Variants in NUP98 observed in about 807,000 individuals in gnomAD.
NUP98 encodes nucleoporin 98 and 96 precursor.
NUP98 carries 26 observed loss-of-function variants against 191.9 expected under a neutral mutation model. The observed-to-expected ratio is 0.14, with a 90% CI of 0.10 to 0.19. NUP98 has a LOEUF of 0.19. Ranked by LOEUF, NUP98 falls within the 10% of genes least tolerant of loss-of-function variation. The pLI is 1.00. For synonymous variants in NUP98, 808 were observed against 778.4 expected (o/e 1.04, Z -0.63); for missense variants, 1,941 against 2,178.8 (o/e 0.89, Z 2.17).
chr11:3,678,972 G>C (rs1303462640), intron 31 of NUP98, among the ~76,000 whole-genome samples: 2 of 151,792 alleles, frequency 1.3e-5, no homozygotes, highest in African/African-American at 4.8e-5. Context: ...AAATACAAAA[G>C]TTAGCTGCGT....
At chr11:3,764,791 G>A (rs2081283958) in intron 8 of NUP98, among the ~76,000 whole-genome samples, 1 of 152,206 alleles carries the variant, frequency 6.6e-6, no homozygotes, top group Non-Finnish European at 1.5e-5. Flanking sequence ...TGTTGTCCAG[G>A]CTAATCTCGA....
intron 17 of NUP98, among the ~76,000 whole-genome samples, chr11:3,720,483 T>C (rs1009147141): frequency 6.6e-6 from 1 of 151,974 alleles, no homozygotes; most frequent in Non-Finnish European, 1.5e-5. Context: ...TGCCAGGCAA[T>C]GTAGCAAGAC....
chr11:3,735,852 T>C (rs936019333), intron 12 of NUP98, among the ~76,000 whole-genome samples: 1 of 149,636 alleles, frequency 6.7e-6, no homozygotes, highest in Non-Finnish European at 1.5e-5. Flanking sequence ...TGTGTGTGCG[T>C]GCGTGTATGT....
chr11:3,759,113 T>C (rs546512949), intron 10 of NUP98, among the ~76,000 whole-genome samples: 2 of 152,298 alleles, frequency 1.3e-5, no homozygotes, highest in South Asian at 4.1e-4. Context: ...ACTGCTGACC[T>C]ACACCAAATA....
intron 11 of NUP98, among the ~76,000 whole-genome samples, chr11:3,750,478 G>A (rs1382571664): frequency 6.6e-6 from 1 of 152,194 alleles, no homozygotes; most frequent in African/African-American, 2.4e-5. Context: ...GAAAATACAA[G>A]TCACAGAACA....
At chr11:3,767,069 AT>A (rs1270148036) in intron 8 of NUP98, among the ~76,000 whole-genome samples, 3 of 152,084 alleles carry the variant, frequency 2.0e-5, no homozygotes, top group Admixed American at 2.0e-4. Context: ...GGTTTAAGCA[AT>A]TCTCCTGCCT....
intron 16 of NUP98, among the ~76,000 whole-genome samples, chr11:3,722,184 G>A (rs1459047631): frequency 7.0e-6 from 1 of 142,552 alleles, no homozygotes; most frequent in Non-Finnish European, 1.5e-5. Context: ...CATAATCATA[G>A]CTCACTGCAA....
chr11:3,791,890 A>G (rs1204066620), intron 1 of NUP98, among the ~76,000 whole-genome samples: 1 of 151,168 alleles, frequency 6.6e-6, no homozygotes, highest in Non-Finnish European at 1.5e-5. Flanking sequence ...CTACAAAAAC[A>G]TGCATTCGGC....
chr11:3,696,517 GA>G (rs147702438), intron 25 of NUP98, among the ~76,000 whole-genome samples: 9 of 148,578 alleles, frequency 6.1e-5, no homozygotes, highest in Non-Finnish European at 9.0e-5. Flanking sequence ...AGGGGGGAGG[GA>G]AAAAAAAAGG....
chr11:3,762,845 A>T (rs890616009), intron 9 of NUP98, 57 bp downstream of exon 9: 1 of 1,583,750 alleles, frequency 6.3e-7, no homozygotes, highest in African/African-American at 1.3e-5. Context: ...TTAGAAGAAA[A>T]TTCCTTTTAA....
At chr11:3,766,877 C>T (rs927202048) in intron 8 of NUP98, among the ~76,000 whole-genome samples, 1 of 152,076 alleles carries the variant, frequency 6.6e-6, no homozygotes, top group Non-Finnish European at 1.5e-5. Flanking sequence ...AATTATATTA[C>T]CACAGTGTAT....
chr11:3,793,064 T>C (rs2082408750), intron 1 of NUP98, among the ~76,000 whole-genome samples: 5 of 152,050 alleles, frequency 3.3e-5, no homozygotes. Context: ...TACGCTGAGA[T>C]AGCGCCACTG....
intron 12 of NUP98, among the ~76,000 whole-genome samples, chr11:3,736,227 T>C (rs1564862383): frequency 6.6e-6 from 1 of 152,190 alleles, no homozygotes; most frequent in East Asian, 1.9e-4. Context: ...CCACCATGCC[T>C]GGCCTCTATT....
chr11:3,686,566 C>A (rs983198811), intron 28 of NUP98, among the ~76,000 whole-genome samples: 2 of 152,108 alleles, frequency 1.3e-5, no homozygotes, highest in African/African-American at 4.8e-5. Context: ...TTGCCCATTT[C>A]TGGTATTTTG....
At chr11:3,709,420 T>C (rs887575935) in intron 20 of NUP98, among the ~76,000 whole-genome samples, 1 of 152,052 alleles carries the variant, frequency 6.6e-6, no homozygotes, top group African/African-American at 2.4e-5. Context: ...AAAACTTATT[T>C]AGGCAGGGCG....
At chr11:3,680,877 T>G (rs1370980737) in intron 30 of NUP98, among the ~76,000 whole-genome samples, 1 of 152,070 alleles carries the variant, frequency 6.6e-6, no homozygotes, top group Non-Finnish European at 1.5e-5. Flanking sequence ...TTTCTTTTCT[T>G]TAAGACAGGA....
rs1211647649 is a variant in NUP98 at position 3,675,910 on chromosome 11, T to A, written c.*249A>T. ...AAAGGAGCTTTATTGACCATTTTTT[T>A]AAAGGAAAAACACTGAATGATCTTG... is the stretch of plus-strand genomic sequence containing the variant. On this transcript the variant is annotated 3_prime_UTR_variant, in exon 33 of 33. Transcript: ENST00000324932. 7.7e-6 allele frequency: 4 copies of A among 519,682 alleles called. No individual in the cohort carries two copies. Among genetic ancestry groups the A allele is most frequent in the African/African-American group, 5.7e-5 (3 of 52,658 alleles). The allele number at this position is 519,682 out of a possible 1,614,324, so 32.2% of individuals were successfully genotyped here.
chr11:3,733,492 A>G (rs1417116012), intron 13 of NUP98, among the ~76,000 whole-genome samples: 1 of 151,832 alleles, frequency 6.6e-6, no homozygotes, highest in Non-Finnish European at 1.5e-5. Context: ...TTTTTTATTT[A>G]GTATAGATGG....
At chr11:3,743,515 C>T (rs1312647351) in intron 12 of NUP98, among the ~76,000 whole-genome samples, 5 of 148,738 alleles carry the variant, frequency 3.4e-5, no homozygotes, top group African/African-American at 9.9e-5. Context: ...GGCATGGTGG[C>T]GGGCACCTGT....
Sources: gnomAD v4.1 joint callset for allele counts (sites outside exome capture counted in the v4.1 genomes callset) on GRCh38, gnomAD v4.1.1 for gene constraint, MANE v1.5 for transcripts, NCBI Gene and HGNC (gene_info 2026-07-23, HGNC 2026-07-21) for gene names.